Variants in DCAF4 observed in about 807,000 individuals in gnomAD.
DCAF4 encodes DDB1 and CUL4 associated factor 4, also known as DDB1- and CUL4-associated factor 4.
In DCAF4, 37 loss-of-function variants were observed where a neutral mutation model predicts 60.9. The observed-to-expected ratio is 0.61, with a 90% CI of 0.47 to 0.80. The LOEUF (loss-of-function observed/expected upper bound fraction) is 0.80. Ranked by LOEUF, DCAF4 falls within the 30% of genes least tolerant of loss-of-function variation. The probability of loss-of-function intolerance (pLI) is 0.00; values close to 1 mark genes in which losing one functional copy is unlikely to be tolerated. For missense variants in DCAF4, 577 were observed against 650.0 expected (o/e 0.89, Z 1.22); for synonymous variants, 243 against 254.8 (o/e 0.95, Z 0.44).
At chr14:72,956,600 A>G in intron 13 of DCAF4, 100 bp downstream of exon 13, 1 of 1,153,946 alleles carries the variant, frequency 8.7e-7, no homozygotes, top group Admixed American at 2.0e-5. Flanking sequence ...ACCCCAAAAC[A>G]GAACTGAATC....
chr14:72,958,599 T>C lies in DCAF4; in HGVS notation c.1295-13T>C. 6.2e-7 allele frequency: 1 copy of C among 1,614,154 alleles called. No homozygotes were observed. The highest frequency in any genetic ancestry group is 8.5e-7 in the Non-Finnish European group (1 of 1,179,994). On this transcript the variant is annotated splice_polypyrimidine_tract_variant and intron_variant, in intron 13 of 13. Transcript: ENST00000358377. ...CTCTCACTAGCCTGCCATGTGTCTC[T>C]CCTCTTTCCTAGTGGGCCAGGACTG...
chr14:72,933,912 A>C (rs1271863718), intron 1 of DCAF4, among the ~76,000 whole-genome samples: 1 of 152,134 alleles, frequency 6.6e-6, no homozygotes, highest in Non-Finnish European at 1.5e-5. Flanking sequence ...CATGTCCATA[A>C]TGTGTAAGCG....
Position 72,958,990 on chromosome 14 carries a change from T to C in DCAF4, c.*185T>C, listed in dbSNP as rs1287383675. On this transcript the variant is annotated 3_prime_UTR_variant, in exon 14 of 14. Transcript: ENST00000358377. ...GCTCAGGAAAGTTATTTGAGTTAAA[T>C]TGCTGGCTGAGAGAGCTTGGAAGTC... 7.0e-5 allele frequency: 89 copies of C among 1,262,604 alleles called. 1 individual carries two copies. The East Asian group carries it at 2.8e-3, about 39-fold the overall frequency. 78.2% of individuals were successfully genotyped at this position (1,262,604 alleles called of 1,614,324 possible).
chr14:72,942,913 G>C, intron 5 of DCAF4, 81 bp from the exon 6 acceptor site: 2 of 1,291,336 alleles, frequency 1.5e-6, no homozygotes, highest in Non-Finnish European at 2.2e-6. Flanking sequence ...GCGTCAGCGG[G>C]GCAGGGAAGG....
chr14:72,927,727 T>A (rs1477463551), intron 1 of DCAF4, among the ~76,000 whole-genome samples: 2 of 152,142 alleles, frequency 1.3e-5, no homozygotes, highest in Non-Finnish European at 2.9e-5. Context: ...CCATTTAACT[T>A]ACGCTGGGTG....
rs375504883 is a variant in DCAF4 at position 72,939,873 on chromosome 14, C to T, written c.164C>T (p.Ser55Phe). The T allele has an allele frequency of 1.4e-5, 22 of 1,611,070 alleles. 1 individual carries two copies. The African/African-American group carries it at 2.3e-4, about 17-fold the overall frequency. Residue 55 changes from serine (S) to phenylalanine (F), a missense_variant, in exon 3 of 14, where the codon TCT (serine) becomes TTT (phenylalanine). By Grantham distance (155) the Ser-to-Phe change is radical (BLOSUM62 -2). Coordinates refer to ENST00000358377, the MANE Select transcript of DCAF4 (RefSeq NM_015604.4). ...GATGACGAGTCTCCGTCAACCTCGT[C>T]TGGCACAGCTGGGACCTCCTCTGTG... is the stretch of plus-strand genomic sequence containing the variant. ...HGDDESPSTS[S>F]GTAGTSSVPE...
At chr14:72,927,472 T>C (rs1413544449) in intron 1 of DCAF4, among the ~76,000 whole-genome samples, 3 of 151,566 alleles carry the variant, frequency 2.0e-5, no homozygotes, top group Non-Finnish European at 2.9e-5. Context: ...CTGCCTCAGC[T>C]TCCCGCGTAG....
downstream of DCAF4, chr14:72,960,713 T>C: frequency 9.4e-7 from 1 of 1,058,638 alleles, no homozygotes; most frequent in South Asian, 3.5e-5. Flanking sequence ...AAGTGCTGCC[T>C]CCATTTCCAG....
At chr14:72,927,964 A>G (rs796424861) in intron 1 of DCAF4, among the ~76,000 whole-genome samples, 65 of 151,742 alleles carry the variant, frequency 4.3e-4, no homozygotes, top group African/African-American at 1.4e-3. Context: ...CTAATTTTTA[A>G]ATTATTTGTT....
intron 1 of DCAF4, among the ~76,000 whole-genome samples, chr14:72,930,887 T>C (rs906457310): frequency 6.6e-6 from 1 of 152,212 alleles, no homozygotes; most frequent in Non-Finnish European, 1.5e-5. Flanking sequence ...TTGAATGGTC[T>C]TGGCACCTAG....
At chr14:72,951,546 G>A (rs1367475088) in intron 8 of DCAF4, among the ~76,000 whole-genome samples, 2 of 152,182 alleles carry the variant, frequency 1.3e-5, no homozygotes, top group Non-Finnish European at 2.9e-5. Context: ...GGGAGGCAGA[G>A]GTTGCGGTAA....
intron 11 of DCAF4, among the ~76,000 whole-genome samples, chr14:72,954,802 G>A (rs1020584386): frequency 6.6e-6 from 1 of 152,062 alleles, no homozygotes; most frequent in African/African-American, 2.4e-5. Flanking sequence ...CAGCTCCCAG[G>A]TTATATATTT....
At chr14:72,944,669 A>G (rs1890492604) in intron 6 of DCAF4, among the ~76,000 whole-genome samples, 1 of 152,076 alleles carries the variant, frequency 6.6e-6, no homozygotes, top group Non-Finnish European at 1.5e-5. Context: ...GTGTGTGCAT[A>G]TAGTCCCAGC....
chr14:72,940,155 G>A, intron 3 of DCAF4, 65 bp from the exon 4 acceptor site: 3 of 1,596,064 alleles, frequency 1.9e-6, no homozygotes, highest in Non-Finnish European at 2.6e-6. Context: ...AGGCCACTGG[G>A]CGCCCAACTC....
chr14:72,956,039 C>T (rs1328717190), intron 12 of DCAF4, among the ~76,000 whole-genome samples: 1 of 148,742 alleles, frequency 6.7e-6, no homozygotes, highest in African/African-American at 2.5e-5. Flanking sequence ...TCTCCTGCCT[C>T]AGCCTCCTGA....
At chr14:72,931,535 T>C (rs1168694752) in intron 1 of DCAF4, among the ~76,000 whole-genome samples, 1 of 152,214 alleles carries the variant, frequency 6.6e-6, no homozygotes, top group Non-Finnish European at 1.5e-5. Context: ...TCTTGCCTAA[T>C]TGCCTGTCTA....
At chr14:72,938,351 A>G (rs1396057365) in intron 2 of DCAF4, among the ~76,000 whole-genome samples, 1 of 152,240 alleles carries the variant, frequency 6.6e-6, no homozygotes, top group African/African-American at 2.4e-5. Context: ...AGCATTCGCC[A>G]TAAAGCTAGA....
chr14:72,955,459 T>C, intron 11 of DCAF4, 64 bp from the exon 12 acceptor site: 2 of 1,568,558 alleles, frequency 1.3e-6, no homozygotes, highest in Non-Finnish European at 1.7e-6. Flanking sequence ...CAGGAGGACC[T>C]GCCCTGCCCA....
At chr14:72,929,565 T>C in intron 1 of DCAF4, 1 of 855,332 alleles carries the variant, frequency 1.2e-6, no homozygotes. Context: ...TATTTTATTT[T>C]TCCGTCAAGC....
Sources: gnomAD v4.1 joint callset for allele counts (sites outside exome capture counted in the v4.1 genomes callset) on GRCh38, gnomAD v4.1.1 for gene constraint, MANE v1.5 for transcripts, NCBI Gene and HGNC (gene_info 2026-07-23, HGNC 2026-07-21) for gene names.